The following RNF145 variants were observed in gnomAD, a reference collection of about 807,000 sequenced individuals.
RNF145 encodes ring finger protein 145.
Under a neutral mutation model 57.3 loss-of-function variants are expected in RNF145, and 12 were observed. The observed-to-expected ratio is 0.21, with a 90% CI of 0.13 to 0.34. The LOEUF is 0.34. Ranked by LOEUF, RNF145 falls within the 10% of genes least tolerant of loss-of-function variation. The pLI is 1.00. For synonymous variants in RNF145, 262 were observed against 288.3 expected (o/e 0.91, Z 0.92); for missense variants, 429 against 799.0 (o/e 0.54, Z 5.58).
At chr5:159,197,784 C>A (rs1584706271) in intron 2 of RNF145, among the ~76,000 whole-genome samples, 1 of 152,214 alleles carries the variant, frequency 6.6e-6, no homozygotes, top group Non-Finnish European at 1.5e-5. Context: ...AAAGCAAGAC[C>A]AGTGGCATTT....
In RNF145 at chr5:159,192,149, C is replaced by T. The variant is rs532657851; in HGVS notation, c.293+2567G>A. On this transcript the variant is annotated intron_variant, in intron 3 of 10. Coordinates refer to ENST00000424310, the MANE Select transcript of RNF145 (RefSeq NM_001199383.2). ...ATAAAAACTATTTACATAGCATTTG[C>T]ATTGTATTAGGTATTATAATAATCC... Among the ~76,000 whole-genome samples, 46 of 151,884 alleles carry T rather than the reference C, an allele frequency of 3.0e-4. 1 individual carries two copies. The South Asian group carries it at 9.6e-3, about 32-fold the overall frequency.
intron 6 of RNF145, among the ~76,000 whole-genome samples, chr5:159,171,451 C>T (rs745382379): frequency 2.6e-5 from 4 of 152,056 alleles, no homozygotes; most frequent in African/African-American, 4.8e-5. Context: ...AGAGCACTTT[C>T]CTTTTCTCTT....
Position 159,208,669 on chromosome 5 carries a change from G to C in RNF145, c.-40+562C>G, listed in dbSNP as rs553957944. On this transcript the variant is annotated intron_variant, in intron 1 of 10. Coordinates refer to ENST00000424310, the MANE Select transcript of RNF145 (RefSeq NM_001199383.2). ...GGGAGCTTGAGTTTGGGGCTGCGTA[G>C]ATCAAAGCAGGGTAAGACGAAGGGA... 3.9e-5 allele frequency among the ~76,000 whole-genome samples: 6 copies of C among 152,250 alleles called. No individual in the cohort carries two copies. In the East Asian group the frequency reaches 1.2e-3, roughly 29 times the overall value.
At chr5:159,199,470 T>C (rs1325337051) in intron 2 of RNF145, among the ~76,000 whole-genome samples, 3 of 151,932 alleles carry the variant, frequency 2.0e-5, no homozygotes, top group African/African-American at 7.3e-5. Context: ...AATTAGGACA[T>C]AAATGAGGGT....
At chr5:159,163,194 C>A (rs1784286154) in intron 8 of RNF145, 115 bp from the exon 9 acceptor site, 1 of 935,182 alleles carries the variant, frequency 1.1e-6, no homozygotes, top group African/African-American at 1.7e-5. Flanking sequence ...TCCCACTGAA[C>A]ACCCTTCTCC....
chr5:159,161,942 C>G (rs2113077315), intron 9 of RNF145, among the ~76,000 whole-genome samples: 1 of 152,262 alleles, frequency 6.6e-6, no homozygotes, highest in South Asian at 2.1e-4. Flanking sequence ...CCTTAGGTCA[C>G]CAAACCTCAT....
intron 2 of RNF145, 28 bp from the exon 3 acceptor site, chr5:159,194,852 AT>A (rs1785402042): frequency 7.0e-7 from 1 of 1,435,964 alleles, no homozygotes; most frequent in South Asian, 1.2e-5. Flanking sequence ...ATAAAATACA[AT>A]TTTAATTTAG....
At chr5:159,164,408 T>C (rs1784328180) in intron 8 of RNF145, among the ~76,000 whole-genome samples, 1 of 152,162 alleles carries the variant, frequency 6.6e-6, no homozygotes, top group South Asian at 2.1e-4. Context: ...AAATATATTT[T>C]TTAAAAATCA....
chr5:159,164,006 T>C (rs1350754039), intron 8 of RNF145, among the ~76,000 whole-genome samples: 2 of 152,232 alleles, frequency 1.3e-5, no homozygotes, highest in Non-Finnish European at 2.9e-5. Flanking sequence ...ATCTGTGATA[T>C]GTTCTCAAAT....
At chr5:159,190,345 T>C (rs750871424) in intron 3 of RNF145, among the ~76,000 whole-genome samples, 1 of 152,044 alleles carries the variant, frequency 6.6e-6, no homozygotes, top group Non-Finnish European at 1.5e-5. Context: ...TTGAGCTATA[T>C]ACTTTAATCA....
At chr5:159,193,081 G>T (rs1029937815) in intron 3 of RNF145, among the ~76,000 whole-genome samples, 4 of 152,158 alleles carry the variant, frequency 2.6e-5, no homozygotes, top group African/African-American at 7.2e-5. Flanking sequence ...TTGGTGCTTG[G>T]ACTCCTAGTT....
intron 6 of RNF145, among the ~76,000 whole-genome samples, chr5:159,172,632 C>A (rs76744178): frequency 6.6e-6 from 1 of 152,084 alleles, no homozygotes. Context: ...AATTGTTATT[C>A]ATTTTTAGAA....
At chr5:159,204,636 T>G (rs1785804744) in intron 1 of RNF145, among the ~76,000 whole-genome samples, 16 of 152,058 alleles carry the variant, frequency 1.1e-4, no homozygotes, top group Admixed American at 1.0e-3. Flanking sequence ...AAACTCCGTC[T>G]GTACTAAAAA....
At chr5:159,207,610 A>G (rs1016946053) in intron 1 of RNF145, 31 of 1,596,514 alleles carry the variant, frequency 1.9e-5, no homozygotes, top group Non-Finnish European at 2.6e-5. Context: ...TTAAGAGCAC[A>G]AAGCTAGAGC....
rs755332345 is a variant in RNF145, at chr5:159,169,687, G to A, written c.930C>T (p.Ala310=). Residue 310 remains alanine (A), a synonymous_variant, in exon 7 of 11, where the codon GCC becomes GCT. Coordinates refer to ENST00000424310, the MANE Select transcript of RNF145 (RefSeq NM_001199383.2). The part of the protein sequence containing the change: ...QGYRAFMNDP[A]MNRGMTEGVT... ...TCAAGGAAAGAACTTACCGATTCAT[G>A]GCAGGATCATTCATGAAAGCTCGAT... 7 of 1,604,232 alleles carry A rather than the reference G, an allele frequency of 4.4e-6. No homozygotes were observed. In the East Asian group the frequency reaches 1.6e-4, roughly 36 times the overall value.
At chr5:159,173,197 A>G (rs1784610540) in intron 6 of RNF145, among the ~76,000 whole-genome samples, 2 of 152,216 alleles carry the variant, frequency 1.3e-5, no homozygotes, top group African/African-American at 2.4e-5. Context: ...GCAGCCCAAC[A>G]AAAATTTGTA....
intron 2 of RNF145, among the ~76,000 whole-genome samples, chr5:159,196,198 C>A (rs1289098335): frequency 1.3e-5 from 2 of 150,832 alleles, no homozygotes; most frequent in African/African-American, 4.9e-5. Flanking sequence ...CAGCCCAACA[C>A]AAATTCATAA....
At chr5:159,206,555 A>G (rs1199872100) in intron 1 of RNF145, among the ~76,000 whole-genome samples, 3 of 152,172 alleles carry the variant, frequency 2.0e-5, no homozygotes, top group Non-Finnish European at 4.4e-5. Flanking sequence ...CCAAATCACT[A>G]TATCATACAA....
At chr5:159,207,393 A>G in intron 1 of RNF145, 2 of 849,220 alleles carry the variant, frequency 2.4e-6, no homozygotes. Context: ...AACAAGAATG[A>G]CACGTGACCC....
Sources: allele counts gnomAD v4.1 joint callset (sites outside exome capture counted in the v4.1 genomes callset), GRCh38; gene constraint gnomAD v4.1.1; transcripts MANE v1.5; gene names NCBI Gene and HGNC (gene_info 2026-07-23, HGNC 2026-07-21).